The following EFHC2 variants were observed in gnomAD, a reference collection of about 807,000 sequenced individuals.
EFHC2 encodes the protein EF-hand domain containing 2.
In EFHC2, 18 loss-of-function variants were observed where a neutral mutation model predicts 52.7. The ratio of observed to expected loss-of-function variants is 0.34; its 90% CI spans 0.24 to 0.51. The LOEUF (loss-of-function observed/expected upper bound fraction) is 0.51, where lower values mean the gene tolerates loss of function less well. Ranked by LOEUF, EFHC2 falls within the 20% of genes least tolerant of loss-of-function variation. The probability of loss-of-function intolerance (pLI) is 0.97; values close to 1 mark genes in which losing one functional copy is unlikely to be tolerated. For missense variants in EFHC2, 513 were observed against 562.5 expected (o/e 0.91, Z 0.89); for synonymous variants, 203 against 204.1 (o/e 0.99, Z 0.04).
At chrX:44,241,798 C>T (rs1658661467) in intron 8 of EFHC2, among the ~76,000 whole-genome samples, 1 of 111,964 alleles carries the variant, frequency 8.9e-6, no homozygotes, top group African/African-American at 3.2e-5. Context: ...CCTATCTGAC[C>T]CTTTAAGAAA....
intron 14 of EFHC2, among the ~76,000 whole-genome samples, chrX:44,151,388 A>G (rs746812780): frequency 8.9e-6 from 1 of 111,865 alleles, no homozygotes; most frequent in Non-Finnish European, 1.9e-5. Context: ...ATTCTTTCAC[A>G]GTTCAGAAGG....
chrX:44,277,056 G>A (rs996099816), intron 2 of EFHC2, among the ~76,000 whole-genome samples: 1 of 110,249 alleles, frequency 9.1e-6, no homozygotes, highest in African/African-American at 3.3e-5. Context: ...TCAGGAGATC[G>A]AGACCATCCT....
At position 44,266,423 on chromosome X, in the gene EFHC2, G is replaced by A. The variant is rs146565403; in HGVS notation, c.383-5125C>T. On this transcript the variant is annotated intron_variant, in intron 3 of 14. Coordinates refer to ENST00000420999, the MANE Select transcript of EFHC2 (RefSeq NM_025184.4). ...GTGATCTCGGCTCACTGCAACCTCC[G>A]TCTCCCAGGTTCAAGCAATTCTCCT... 9.5e-3 allele frequency among the ~76,000 whole-genome samples: 976 copies of A among 102,682 alleles called. 16 individuals carry two copies. The highest frequency in any genetic ancestry group is 0.033 in the African/African-American group (929 of 27,765). The allele number at this position is 102,682 out of a possible 115,157, so 89.2% of individuals were successfully genotyped here.
At chrX:44,303,157 T>C (rs1316129648) in intron 2 of EFHC2, among the ~76,000 whole-genome samples, 1 of 111,254 alleles carries the variant, frequency 9.0e-6, no homozygotes, top group African/African-American at 3.3e-5. Flanking sequence ...TGGCCTGGCA[T>C]CCACAGCTAG....
chrX:44,336,513 G>A (rs2038118577), intron 1 of EFHC2, among the ~76,000 whole-genome samples: 1 of 111,796 alleles, frequency 8.9e-6, no homozygotes, highest in African/African-American at 3.2e-5. Context: ...CTCAATCATT[G>A]CTGGTGGGAA....
chrX:44,149,488 C>T (rs1393411305), intron 14 of EFHC2, among the ~76,000 whole-genome samples: 1 of 112,203 alleles, frequency 8.9e-6, no homozygotes, highest in African/African-American at 3.2e-5. Flanking sequence ...TCCTCCTATA[C>T]TTTCTTAAGA....
intron 1 of EFHC2, among the ~76,000 whole-genome samples, chrX:44,313,259 T>C (rs962058756): frequency 9.8e-5 from 11 of 112,186 alleles, no homozygotes; most frequent in Middle Eastern, 4.3e-3. Context: ...TCTTCAGAGC[T>C]GACATTCTCC....
At chrX:44,262,512 CAAAAAAA>C (rs749239313) in intron 3 of EFHC2, among the ~76,000 whole-genome samples, 46 of 29,208 alleles carry the variant, frequency 1.6e-3, no homozygotes, top group African/African-American at 4.8e-3. Context: ...AGCCCTGTCT[CAAAAAAA>C]AAAAAAAAAA....
chrX:44,332,617 C>G (rs905637825), intron 1 of EFHC2, among the ~76,000 whole-genome samples: 1 of 111,504 alleles, frequency 9.0e-6, no homozygotes, highest in East Asian at 2.8e-4. Flanking sequence ...AGGAAATGGC[C>G]TAAGAAATCC....
chrX:44,321,983 T>A, intron 1 of EFHC2, among the ~76,000 whole-genome samples: 1 of 112,156 alleles, frequency 8.9e-6, no homozygotes, highest in Non-Finnish European at 1.9e-5. Context: ...GAACATTCTG[T>A]TCCTGCATAG....
intron 4 of EFHC2, among the ~76,000 whole-genome samples, chrX:44,259,475 A>C (rs182190505): frequency 8.9e-6 from 1 of 111,733 alleles, no homozygotes; most frequent in African/African-American, 3.3e-5. Flanking sequence ...GTAGAAAACC[A>C]CCATGGCAGG....
chrX:44,229,874 G>A, intron 10 of EFHC2, 95 bp from the exon 11 acceptor site: 2 of 890,658 alleles, frequency 2.2e-6, no homozygotes, highest in Non-Finnish European at 3.1e-6. Context: ...ACTTCACACT[G>A]TGAATATGAA....
chrX:44,235,436 T>C lies in EFHC2; in HGVS notation c.1292A>G (p.Lys431Arg), dbSNP rs374780229. Residue 431 changes from lysine (K) to arginine (R), a missense_variant, in exon 9 of 15, where the codon AAA becomes AGA. Physicochemically the swap from Lys to Arg is conservative, Grantham distance 26. Coordinates refer to ENST00000420999, the MANE Select transcript of EFHC2 (RefSeq NM_025184.4). The stretch of plus-strand genomic sequence containing the variant: ...TGCAAAAAAACGGAGTATATTGCTT[T>C]TGGAGCCATAGCTAAATGGAAGAGA... ...KFMEKDSYGSKSNILRFFAKL... is the reference protein window; with the variant it reads ...KFMEKDSYGSRSNILRFFAKL... 8.4e-7 allele frequency: 1 copy of C among 1,189,505 alleles called. No homozygotes were observed. Among genetic ancestry groups the C allele is most frequent in the African/African-American group, 1.8e-5 (1 of 56,808 alleles).
chrX:44,330,499 A>G (rs1378878817), intron 1 of EFHC2, among the ~76,000 whole-genome samples: 1 of 111,284 alleles, frequency 9.0e-6, no homozygotes, highest in Non-Finnish European at 1.9e-5. Context: ...AAGAATTCTC[A>G]AAAGTTAACA....
intron 11 of EFHC2, among the ~76,000 whole-genome samples, chrX:44,203,593 A>AT (rs2037023494): frequency 9.1e-6 from 1 of 110,425 alleles, no homozygotes; most frequent in African/African-American, 3.3e-5. Context: ...CTGAGACTTC[A>AT]TTTTTTTATT....
At chrX:44,235,009 G>C (rs1336107453) in intron 9 of EFHC2, among the ~76,000 whole-genome samples, 1 of 111,191 alleles carries the variant, frequency 9.0e-6, no homozygotes, top group Non-Finnish European at 1.9e-5. Flanking sequence ...GAAGCCCTTG[G>C]GTTCCACAGA....
At chrX:44,335,299 T>A (rs757397570) in intron 1 of EFHC2, among the ~76,000 whole-genome samples, 1 of 110,273 alleles carries the variant, frequency 9.1e-6, no homozygotes, top group East Asian at 2.8e-4. Flanking sequence ...AGGGAGAGAA[T>A]AAGATTGAAG....
At chrX:44,324,596 C>T (rs892191386) in intron 1 of EFHC2, among the ~76,000 whole-genome samples, 1 of 111,584 alleles carries the variant, frequency 9.0e-6, no homozygotes, top group Non-Finnish European at 1.9e-5. Flanking sequence ...GCTACAAACT[C>T]TTACCAGCAT....
At chrX:44,332,021 A>C (rs1231254635) in intron 1 of EFHC2, among the ~76,000 whole-genome samples, 2 of 110,402 alleles carry the variant, frequency 1.8e-5, no homozygotes, top group Non-Finnish European at 3.8e-5. Flanking sequence ...GTGAATCTAC[A>C]TGTCAATTTA....
Sources: allele counts gnomAD v4.1 joint callset (sites outside exome capture counted in the v4.1 genomes callset), GRCh38; gene constraint gnomAD v4.1.1; transcripts MANE v1.5; gene names NCBI Gene and HGNC (gene_info 2026-07-23, HGNC 2026-07-21).